Variants in DMD observed in about 807,000 individuals in gnomAD.
DMD encodes the protein mutant dystrophin.
DMD carries 63 observed loss-of-function variants against 330.1 expected under a neutral mutation model. That is an observed-to-expected ratio of 0.19 (90% CI 0.16 to 0.24). The LOEUF (loss-of-function observed/expected upper bound fraction) is 0.24, where lower values mean the gene tolerates loss of function less well. Among genes scored for constraint, DMD ranks in the 10% least tolerant of loss-of-function variants. DMD has a pLI of 1.00. For synonymous variants in DMD, 1,223 were observed against 959.8 expected, an observed-to-expected ratio of 1.27 and a Z score of -5.07; for missense variants, 3,344 against 2,684.1, an observed-to-expected ratio of 1.25 and a Z score of -5.43.
At chrX:33,037,194 A>T (rs1602975274) in intron 1 of DMD, among the ~76,000 whole-genome samples, 1 of 111,682 alleles carries the variant, frequency 9.0e-6, no homozygotes, top group African/African-American at 3.3e-5. Flanking sequence ...GTCCTAATTA[A>T]TACTCAAGTA....
In DMD at chrX:32,867,617, A is replaced by G. The variant is rs543353233; in HGVS notation, c.94-17797T>C. 4.4e-4 allele frequency among the ~76,000 whole-genome samples: 50 copies of G among 112,414 alleles called. No individual in the cohort carries two copies. The South Asian group carries it at 7.0e-3, about 16-fold the overall frequency. ...CATCTTTATCAGCAAACATTTGCTA[A>G]TTGTAAACAATCCTGTACAAAATAT... On this transcript the variant is annotated intron_variant, in intron 2 of 78. Coordinates refer to ENST00000357033, the MANE Select transcript of DMD (RefSeq NM_004006.3).
At chrX:32,979,021 T>A (rs2092631762) in intron 2 of DMD, among the ~76,000 whole-genome samples, 1 of 112,297 alleles carries the variant, frequency 8.9e-6, no homozygotes, top group African/African-American at 3.2e-5. Flanking sequence ...TAGGCAAATG[T>A]GACTGAGCTA....
At chrX:32,732,492 G>A (rs1045338723) in intron 7 of DMD, among the ~76,000 whole-genome samples, 3 of 110,804 alleles carry the variant, frequency 2.7e-5, no homozygotes, top group Non-Finnish European at 3.8e-5. Flanking sequence ...GAAGGAAAAA[G>A]TGTTAAGGGC....
chrX:31,530,516 G>C (rs757434626), intron 55 of DMD, among the ~76,000 whole-genome samples: 1 of 110,064 alleles, frequency 9.1e-6, no homozygotes, highest in East Asian at 2.8e-4. Context: ...TCGAGTAAAT[G>C]ATTGGATACA....
chrX:32,820,420 T>C (rs11796899), intron 5 of DMD, among the ~76,000 whole-genome samples: 46,929 of 109,836 alleles, frequency 0.43, 8,283 homozygotes, highest in Non-Finnish European at 0.54. Context: ...CCAGCCTGGG[T>C]GACAGAGCGA....
At chrX:32,712,634 G>T (rs374457309) in intron 7 of DMD, among the ~76,000 whole-genome samples, 11 of 110,951 alleles carry the variant, frequency 9.9e-5, no homozygotes, top group Admixed American at 4.8e-4. Flanking sequence ...TGAATGTCCT[G>T]ACCATAATAT....
At chrX:32,308,731 G>T (rs2097549859) in intron 42 of DMD, among the ~76,000 whole-genome samples, 1 of 111,036 alleles carries the variant, frequency 9.0e-6, no homozygotes, top group South Asian at 3.7e-4. Flanking sequence ...AACATTCTGA[G>T]TATGCCAGGC....
At chrX:32,387,247 C>A (rs1169370483) in intron 32 of DMD, among the ~76,000 whole-genome samples, 3 of 110,694 alleles carry the variant, frequency 2.7e-5, no homozygotes, top group Non-Finnish European at 3.8e-5. Context: ...ACAATTATAC[C>A]ACCAACACCA....
At chrX:32,324,782 T>C (rs1160021835) in intron 41 of DMD, among the ~76,000 whole-genome samples, 1 of 112,147 alleles carries the variant, frequency 8.9e-6, no homozygotes, top group Non-Finnish European at 1.9e-5. Flanking sequence ...AGAGGTGGTT[T>C]AAAACCGACA....
intron 44 of DMD, among the ~76,000 whole-genome samples, chrX:32,215,147 A>G (rs745381106): frequency 8.9e-6 from 1 of 111,831 alleles, no homozygotes; most frequent in Admixed American, 9.6e-5. Flanking sequence ...GAAAAAGATT[A>G]GTCAATTTGA....
At chrX:31,722,942 G>A (rs2085687364) in intron 52 of DMD, among the ~76,000 whole-genome samples, 1 of 110,435 alleles carries the variant, frequency 9.1e-6, no homozygotes, top group Non-Finnish European at 1.9e-5. Context: ...CAGCTACTCG[G>A]TAGGCTGAGG....
intron 59 of DMD, among the ~76,000 whole-genome samples, chrX:31,464,353 A>G (rs2149180338): frequency 8.9e-6 from 1 of 112,256 alleles, no homozygotes; most frequent in Non-Finnish European, 1.9e-5. Flanking sequence ...AAAGAAGTCC[A>G]AATTAAAATA....
chrX:31,407,213 G>A (rs1458697600), intron 60 of DMD, among the ~76,000 whole-genome samples: 1 of 111,634 alleles, frequency 9.0e-6, no homozygotes, highest in African/African-American at 3.3e-5. Flanking sequence ...TGCCCAGGCT[G>A]GAGTGCAATG....
Position 32,861,263 on chromosome X carries a change from A to G in DMD, c.94-11443T>C, listed in dbSNP as rs145033320. Among the ~76,000 whole-genome samples, 416 of 112,558 alleles carry G rather than the reference A, an allele frequency of 3.7e-3. 1 individual carries two copies. Among genetic ancestry groups the G allele is most frequent in the Non-Finnish European group, 6.0e-3 (322 of 53,350 alleles). On this transcript the variant is annotated intron_variant, in intron 2 of 78. Coordinates refer to ENST00000357033, the MANE Select transcript of DMD (RefSeq NM_004006.3). ...CTAAGCCAAATAATCCATATCGTCTATAACTTTCCTTGTAATGTTGGCCTC... is the reference window on the plus strand; with the variant it reads ...CTAAGCCAAATAATCCATATCGTCTGTAACTTTCCTTGTAATGTTGGCCTC...
At chrX:32,693,376 A>C (rs911315182) in intron 9 of DMD, among the ~76,000 whole-genome samples, 18 of 112,230 alleles carry the variant, frequency 1.6e-4, no homozygotes, top group African/African-American at 5.8e-4. Context: ...ACATATAGAC[A>C]CATGATTAGT....
chrX:33,229,438 G>T (rs113045326), intron 1 of DMD, among the ~76,000 whole-genome samples: 1,290 of 111,376 alleles, frequency 0.012, 7 homozygotes, highest in Non-Finnish European at 0.019. Context: ...GCCTTTAGAT[G>T]TCTACTTGCT....
intron 1 of DMD, among the ~76,000 whole-genome samples, chrX:33,096,038 G>A (rs191599492): frequency 3.1e-4 from 28 of 91,700 alleles, no homozygotes; most frequent in Non-Finnish European, 5.4e-4. Context: ...GCAGTGGTGC[G>A]ATCTCGGCTC....
At chrX:32,220,995 C>A (rs1000864096) in intron 43 of DMD, among the ~76,000 whole-genome samples, 1 of 111,098 alleles carries the variant, frequency 9.0e-6, no homozygotes, top group South Asian at 3.8e-4. Context: ...ACCGTGCAAC[C>A]GGTATTTAAA....
At chrX:33,266,142 T>C (rs1279026269) in intron 1 of DMD, among the ~76,000 whole-genome samples, 1 of 111,619 alleles carries the variant, frequency 9.0e-6, no homozygotes, top group Non-Finnish European at 1.9e-5. Flanking sequence ...TAGGTATTGA[T>C]TTCCTTGATT....
Sources: allele counts gnomAD v4.1 joint callset (sites outside exome capture counted in the v4.1 genomes callset), GRCh38; gene constraint gnomAD v4.1.1; transcripts MANE v1.5; gene names NCBI Gene and HGNC (gene_info 2026-07-23, HGNC 2026-07-21).